KCNH1: variants seen among roughly 807,000 people sequenced by gnomAD.
KCNH1 encodes voltage-gated delayed rectifier potassium channel KCNH1.
KCNH1 carries 27 observed loss-of-function variants against 69.2 expected under a neutral mutation model. The observed-to-expected ratio is 0.39, with a 90% CI of 0.29 to 0.54. The LOEUF (loss-of-function observed/expected upper bound fraction) is 0.54, where lower values mean the gene tolerates loss of function less well. Ranked by LOEUF, KCNH1 falls within the 20% of genes least tolerant of loss-of-function variation. The probability of loss-of-function intolerance (pLI) is 0.68; values close to 1 mark genes in which losing one functional copy is unlikely to be tolerated. For synonymous variants in KCNH1, 456 were observed against 487.7 expected (o/e 0.93, Z 0.86); for missense variants, 798 against 1,261.6 (o/e 0.63, Z 5.57).
At chr1:210,890,992 A>T (rs926691761) in intron 7 of KCNH1, among the ~76,000 whole-genome samples, 2 of 152,176 alleles carry the variant, frequency 1.3e-5, no homozygotes, top group African/African-American at 2.4e-5. Flanking sequence ...CAATTCCTCA[A>T]GAATCTAGAA....
chr1:210,724,313 T>C (rs936098966), intron 10 of KCNH1, among the ~76,000 whole-genome samples: 1 of 152,148 alleles, frequency 6.6e-6, no homozygotes, highest in African/African-American at 2.4e-5. Flanking sequence ...TTTTTAAAGC[T>C]CCTGGATGAT....
At chr1:210,826,684 C>A (rs1313107207) in intron 7 of KCNH1, among the ~76,000 whole-genome samples, 1 of 152,240 alleles carries the variant, frequency 6.6e-6, no homozygotes, top group East Asian at 1.9e-4. Context: ...TATTTTTCTT[C>A]TCTCCATGAA....
At chr1:210,699,225 C>G (rs542270906) in intron 10 of KCNH1, among the ~76,000 whole-genome samples, 1 of 152,284 alleles carries the variant, frequency 6.6e-6, no homozygotes, top group Non-Finnish European at 1.5e-5. Flanking sequence ...AAATACTGTG[C>G]CTGCCTCTCC....
chr1:211,049,011 A>G (rs954488689), intron 5 of KCNH1, among the ~76,000 whole-genome samples: 2 of 152,144 alleles, frequency 1.3e-5, no homozygotes, highest in African/African-American at 4.8e-5. Context: ...GAAGAAAGGG[A>G]GACTGATAAA....
chr1:211,028,047 T>G (rs1369165302), intron 5 of KCNH1, among the ~76,000 whole-genome samples: 3 of 152,162 alleles, frequency 2.0e-5, no homozygotes, highest in African/African-American at 7.2e-5. Flanking sequence ...TTTTTACAAG[T>G]GTACACAAAA....
chr1:210,925,330 A>C (rs1298866833), intron 6 of KCNH1, among the ~76,000 whole-genome samples: 3 of 152,224 alleles, frequency 2.0e-5, no homozygotes. Flanking sequence ...CTTTTGCTCC[A>C]AGAACTACTG....
At chr1:211,000,117 C>T (rs1689144251) in intron 6 of KCNH1, among the ~76,000 whole-genome samples, 1 of 152,178 alleles carries the variant, frequency 6.6e-6, no homozygotes, top group Non-Finnish European at 1.5e-5. Context: ...CAGGGATGTC[C>T]TCTCTCACCA....
intron 7 of KCNH1, chr1:210,859,695 A>G (rs534679039): frequency 1.6e-6 from 2 of 1,257,678 alleles, no homozygotes; most frequent in African/African-American, 1.5e-5. Flanking sequence ...AAAGGATAAA[A>G]GCTGGCAAAA....
rs1257754601 is a variant in KCNH1 at position 211,008,873 on chromosome 1, CA to C, written c.1032+9909del. On this transcript the variant is annotated intron_variant, in intron 6 of 10. Coordinates refer to ENST00000271751, the MANE Select transcript of KCNH1 (RefSeq NM_172362.3). ...TCTACTGAAAGGAGATTAGCTATAACAAAGCCTATATCAGATTATGATTAGT... is the reference window on the plus strand; with the variant it reads ...TCTACTGAAAGGAGATTAGCTATAACAAGCCTATATCAGATTATGATTAGT... Among the ~76,000 whole-genome samples the C allele has an allele frequency of 6.6e-5, 10 of 152,242 alleles. No homozygotes were observed. The Middle Eastern group carries it at 0.014, about 207-fold the overall frequency.
At chr1:210,967,998 C>T (rs1047364935) in intron 6 of KCNH1, among the ~76,000 whole-genome samples, 1 of 152,074 alleles carries the variant, frequency 6.6e-6, no homozygotes, top group African/African-American at 2.4e-5. Context: ...GATATATCTC[C>T]CGATGCTATC....
chr1:210,984,925 TG>T (rs1265814093), intron 6 of KCNH1, among the ~76,000 whole-genome samples: 1 of 152,206 alleles, frequency 6.6e-6, no homozygotes, highest in African/African-American at 2.4e-5. Flanking sequence ...GGACTTTTTT[TG>T]GTTGGTAAGC....
chr1:210,704,757 T>TAACA (rs371696813), intron 10 of KCNH1, among the ~76,000 whole-genome samples: 211 of 152,346 alleles, frequency 1.4e-3, no homozygotes, highest in African/African-American at 4.8e-3. Context: ...TCTAATCATC[T>TAACA]AACAGTAAAT....
chr1:210,967,266 T>TA (rs1688425153), intron 6 of KCNH1, among the ~76,000 whole-genome samples: 1 of 152,100 alleles, frequency 6.6e-6, no homozygotes, highest in Non-Finnish European at 1.5e-5. Flanking sequence ...GGCATGTGTA[T>TA]ACCTATGCAA....
intron 10 of KCNH1, among the ~76,000 whole-genome samples, chr1:210,698,923 G>T (rs1681708529): frequency 6.6e-6 from 1 of 152,212 alleles, no homozygotes; most frequent in African/African-American, 2.4e-5. Flanking sequence ...TTTGATACTA[G>T]GAGTAGAGAA....
At chr1:211,126,852 G>T (rs1267931439) in intron 1 of KCNH1, among the ~76,000 whole-genome samples, 4 of 152,060 alleles carry the variant, frequency 2.6e-5, no homozygotes, top group Non-Finnish European at 5.9e-5. Context: ...AATGTGGTTT[G>T]TTTAAAGAAA....
intron 6 of KCNH1, among the ~76,000 whole-genome samples, chr1:210,998,337 A>C (rs1263956484): frequency 1.3e-5 from 2 of 152,204 alleles, no homozygotes; most frequent in African/African-American, 4.8e-5. Context: ...AAAACGGAGA[A>C]CAAAAAAAGG....
intron 5 of KCNH1, among the ~76,000 whole-genome samples, chr1:211,051,873 C>T (rs1690212157): frequency 6.6e-6 from 1 of 152,220 alleles, no homozygotes; most frequent in East Asian, 1.9e-4. Context: ...TACAAAGTCA[C>T]ACAGCTGGAA....
At chr1:210,741,710 C>T (rs935261725) in intron 10 of KCNH1, among the ~76,000 whole-genome samples, 1 of 152,112 alleles carries the variant, frequency 6.6e-6, no homozygotes, top group African/African-American at 2.4e-5. Context: ...GTGAGGCCTG[C>T]GAGCGTTCTG....
chr1:210,722,434 C>G (rs1001328856), intron 10 of KCNH1, among the ~76,000 whole-genome samples: 2 of 152,078 alleles, frequency 1.3e-5, no homozygotes, highest in African/African-American at 4.8e-5. Context: ...CAGGAGCCCA[C>G]TGCATAGCCA....
Sources: allele counts gnomAD v4.1 joint callset (sites outside exome capture counted in the v4.1 genomes callset), GRCh38; gene constraint gnomAD v4.1.1; transcripts MANE v1.5; gene names NCBI Gene and HGNC (gene_info 2026-07-23, HGNC 2026-07-21).